The following GULP1 variants were observed in gnomAD, a reference collection of about 807,000 sequenced individuals.
The protein encoded by GULP1 is GULP PTB domain containing engulfment adaptor 1, also known as PTB domain-containing engulfment adapter protein 1.
GULP1 carries 19 observed loss-of-function variants against 40.9 expected under a neutral mutation model. The observed-to-expected ratio is 0.46, with a 90% confidence interval of 0.32 to 0.68. The LOEUF (loss-of-function observed/expected upper bound fraction) is 0.68. GULP1 is among the 30% of genes least tolerant of loss of function. GULP1 has a pLI of 0.03. For synonymous variants in GULP1, 119 were observed against 117.6 expected (o/e 1.01, Z -0.08); for missense variants, 312 against 362.2 (o/e 0.86, Z 1.12).
At chr2:188,450,108 A>G (rs1019512067) in intron 2 of GULP1, among the ~76,000 whole-genome samples, 4 of 152,190 alleles carry the variant, frequency 2.6e-5, no homozygotes, top group Admixed American at 1.3e-4. Flanking sequence ...GAAATTGCCA[A>G]AAATGTTTGT....
At chr2:188,528,469 G>A (rs1184153230) in intron 5 of GULP1, among the ~76,000 whole-genome samples, 1 of 151,426 alleles carries the variant, frequency 6.6e-6, no homozygotes, top group African/African-American at 2.4e-5. Context: ...CTAACTCAAT[G>A]AGAAAGTATA....
intron 1 of GULP1, among the ~76,000 whole-genome samples, chr2:188,361,467 AG>A (rs1354820356): frequency 1.3e-5 from 2 of 152,072 alleles, no homozygotes; most frequent in African/African-American, 4.8e-5. Context: ...TAAGATCTAT[AG>A]GTCTGTAAGT....
chr2:188,416,963 G>GA (rs2054663653), intron 2 of GULP1, among the ~76,000 whole-genome samples: 1 of 152,046 alleles, frequency 6.6e-6, no homozygotes, highest in Admixed American at 6.5e-5. Flanking sequence ...TTCGGTTTTT[G>GA]AAAAAATTTT....
intron 4 of GULP1, among the ~76,000 whole-genome samples, chr2:188,503,855 A>G (rs1179992531): frequency 6.6e-6 from 1 of 151,958 alleles, no homozygotes; most frequent in Non-Finnish European, 1.5e-5. Context: ...TTTTATCTTG[A>G]TAATACTGTG....
At chr2:188,549,073 T>C (rs1692746231) in intron 7 of GULP1, among the ~76,000 whole-genome samples, 1 of 151,844 alleles carries the variant, frequency 6.6e-6, no homozygotes, top group Admixed American at 6.6e-5. Flanking sequence ...TTGACATCCA[T>C]AGCAGGATTT....
intron 1 of GULP1, among the ~76,000 whole-genome samples, chr2:188,360,120 A>T (rs531143017): frequency 6.6e-6 from 1 of 152,054 alleles, no homozygotes; most frequent in African/African-American, 2.4e-5. Flanking sequence ...TCTTTGGTTG[A>T]CATCCTGTAG....
chr2:188,569,268 A>G lies in GULP1; in HGVS notation c.429A>G (p.Gln143=). 1 of 1,589,612 alleles carries G rather than the reference A, an allele frequency of 6.3e-7. No homozygotes were observed. Among genetic ancestry groups the G allele is most frequent in the Non-Finnish European group, 8.6e-7 (1 of 1,157,888 alleles). ...AAGAGATCACTTTAACAATTGGCCA[A>G]GCATTTGACCTGGCATACAGGAAAT... ...CAEEITLTIG[Q]AFDLAYRKFL... is the part of the protein sequence containing the mutation. The change falls in exon 8 of 12, where the codon CAA becomes CAG. Residue 143 remains glutamine (Q), a synonymous_variant. Transcript: ENST00000409830.
rs555014017 is a variant in GULP1 at position 188,343,911 on chromosome 2, T to A, written c.-171-39852T>A. ...TTCACCTCCCAGGTTCAAGCAATTC[T>A]CCTGCCTCAGCCTCTCAAATAGCAA... On this transcript the variant is annotated intron_variant, in intron 1 of 11. Transcript: ENST00000409830. Among the ~76,000 whole-genome samples, 25 of 152,288 alleles carry A rather than the reference T, an allele frequency of 1.6e-4. No homozygotes were observed. In the South Asian group the frequency reaches 4.4e-3, roughly 27 times the overall value.
chr2:188,411,668 A>G (rs951490407), intron 2 of GULP1, among the ~76,000 whole-genome samples: 3 of 152,164 alleles, frequency 2.0e-5, no homozygotes, highest in Non-Finnish European at 4.4e-5. Flanking sequence ...CTCTTCCCCA[A>G]ATGTCCTTGT....
At chr2:188,575,014 A>G (rs1274796654) in intron 9 of GULP1, among the ~76,000 whole-genome samples, 1 of 152,170 alleles carries the variant, frequency 6.6e-6, no homozygotes, top group Non-Finnish European at 1.5e-5. Context: ...CTTATATGTT[A>G]TATACATGAA....
chr2:188,360,988 A>G (rs2152370986), intron 1 of GULP1, among the ~76,000 whole-genome samples: 1 of 152,134 alleles, frequency 6.6e-6, no homozygotes, highest in East Asian at 1.9e-4. Flanking sequence ...AAACTTAATT[A>G]TTTTCCCCAA....
chr2:188,588,086 A>G, intron 11 of GULP1, 137 bp downstream of exon 11: 1 of 696,228 alleles, frequency 1.4e-6, no homozygotes, highest in Non-Finnish European at 2.7e-6. Flanking sequence ...TTACTTTAAA[A>G]TAATAATGTA....
intron 4 of GULP1, among the ~76,000 whole-genome samples, chr2:188,496,738 A>G (rs566461219): frequency 2.0e-5 from 3 of 152,072 alleles, no homozygotes; most frequent in East Asian, 1.9e-4. Flanking sequence ...CTCATGTCCA[A>G]TTGTAATCCC....
At chr2:188,495,286 T>C (rs10176625) in intron 4 of GULP1, among the ~76,000 whole-genome samples, 12 of 152,028 alleles carry the variant, frequency 7.9e-5, no homozygotes, top group African/African-American at 2.9e-4. Flanking sequence ...ACCTAGACTA[T>C]ACCTACATAT....
intron 4 of GULP1, among the ~76,000 whole-genome samples, chr2:188,501,575 A>G (rs1170269597): frequency 2.0e-5 from 3 of 151,950 alleles, no homozygotes; most frequent in African/African-American, 7.2e-5. Context: ...TAATCACTAT[A>G]GCATGCCACC....
At chr2:188,368,951 A>ATGTG (rs2047216650) in intron 1 of GULP1, among the ~76,000 whole-genome samples, 1 of 112,850 alleles carries the variant, frequency 8.9e-6, no homozygotes, top group Admixed American at 8.3e-5. Context: ...ATATATATAT[A>ATGTG]TATATATATA....
chr2:188,424,305 A>T (rs942623438), intron 2 of GULP1, among the ~76,000 whole-genome samples: 2 of 151,956 alleles, frequency 1.3e-5, no homozygotes, highest in Non-Finnish European at 2.9e-5. Flanking sequence ...TATTATAATC[A>T]TTGCTTTTAA....
intron 1 of GULP1, among the ~76,000 whole-genome samples, chr2:188,374,173 CAA>C (rs1274297828): frequency 2.0e-5 from 3 of 151,928 alleles, no homozygotes; most frequent in Non-Finnish European, 4.4e-5. Context: ...TTTAAAACAC[CAA>C]AAGAGTATCT....
In GULP1 at chr2:188,574,776, A is replaced by G. The variant is rs1250460607; in HGVS notation, c.609+4656A>G. ...TCCGTAATACAAGACAATGATTCAAATCTACCAAATCGTCTAATAATATAT... is the reference window on the plus strand; with the variant it reads ...TCCGTAATACAAGACAATGATTCAAGTCTACCAAATCGTCTAATAATATAT... On this transcript the variant is annotated intron_variant, in intron 9 of 11. Transcript: ENST00000409830. 2.6e-5 allele frequency among the ~76,000 whole-genome samples: 4 copies of G among 152,338 alleles called. No homozygotes were observed. The South Asian group carries it at 8.3e-4, about 32-fold the overall frequency.
Sources: allele counts gnomAD v4.1 joint callset (sites outside exome capture counted in the v4.1 genomes callset), GRCh38; gene constraint gnomAD v4.1.1; transcripts MANE v1.5; gene names NCBI Gene and HGNC (gene_info 2026-07-23, HGNC 2026-07-21).